HTT: variants seen among roughly 807,000 people sequenced by gnomAD.
HTT encodes huntingtin, also known as huntington disease protein.
In HTT, 104 loss-of-function variants were observed where a neutral mutation model predicts 362.3. The observed-to-expected ratio is 0.29, with a 90% CI of 0.24 to 0.34. The LOEUF is 0.34. Ranked by LOEUF, HTT falls within the 10% of genes least tolerant of loss-of-function variation. The pLI is 1.00. For missense variants in HTT, 3,301 were observed against 3,928.6 expected (o/e 0.84, Z 4.27); for synonymous variants, 1,577 against 1,548.7 (o/e 1.02, Z -0.43).
intron 41 of HTT, among the ~76,000 whole-genome samples, chr4:3,201,789 G>C (rs1474130323): frequency 6.6e-6 from 1 of 152,140 alleles, no homozygotes; most frequent in Non-Finnish European, 1.5e-5. Context: ...TGTGGGTGGT[G>C]GGGGATGAGT....
Position 3,074,713 on chromosome 4 carries a change from TCAGG to T in HTT, c.-112_-109del. On this transcript the variant is annotated 5_prime_UTR_variant, in exon 1 of 67. It removes the in-frame stop codon of an upstream open reading frame in the 5' UTR. Coordinates refer to ENST00000355072, the MANE Select transcript of HTT (RefSeq NM_001388492.1). The stretch of plus-strand genomic sequence containing the variant: ...GGACGGGTCCAAGATGGACGGCCGC[TCAGG>T]TTCTGCTTTTACCTGCGGCCCAGAG... 8.7e-7 allele frequency: 1 copy of T among 1,154,756 alleles called. No individual in the cohort carries two copies. Among genetic ancestry groups the T allele is most frequent in the Non-Finnish European group, 1.2e-6 (1 of 858,470 alleles). The allele number at this position is 1,154,756 out of a possible 1,614,324, so 71.5% of individuals were successfully genotyped here. A position where few individuals can be genotyped will look rare whatever the true frequency, so the allele number is the denominator to read the frequency against.
chr4:3,211,782 T>A (rs1185539348), intron 47 of HTT, 147 bp from the exon 48 acceptor site: 13 of 612,094 alleles, frequency 2.1e-5, no homozygotes, highest in African/African-American at 2.0e-4. Context: ...AGAGTAGAAT[T>A]TTCTTAAAAA....
intron 46 of HTT, 34 bp downstream of exon 46, chr4:3,208,945 G>C: frequency 6.3e-7 from 1 of 1,587,766 alleles, no homozygotes; most frequent in Non-Finnish European, 8.6e-7. Flanking sequence ...GGGAGGCACA[G>C]GGCGCTGAGT....
In HTT at chr4:3,148,215, C is replaced by A; in HGVS notation, c.3498+8C>A. ...CCTGGACCCGCAATAAAGGTAATGTCCCACTTGGGTGCTGGATTCATACAG... is the reference window on the plus strand; with the variant it reads ...CCTGGACCCGCAATAAAGGTAATGTACCACTTGGGTGCTGGATTCATACAG... On this transcript the variant is annotated splice_region_variant and intron_variant, in intron 26 of 66. Coordinates refer to ENST00000355072, the MANE Select transcript of HTT (RefSeq NM_001388492.1). 1 of 1,550,298 alleles carries A rather than the reference C, an allele frequency of 6.5e-7. No homozygotes were observed. The highest frequency in any genetic ancestry group is 8.7e-7 in the Non-Finnish European group (1 of 1,144,656).
chr4:3,207,155 G>T, intron 44 of HTT, 126 bp from the exon 45 acceptor site: 1 of 1,062,752 alleles, frequency 9.4e-7, no homozygotes. Context: ...ACTGTTTCTT[G>T]TATTTTTTTC....
chr4:3,151,067 A>C (rs1008244300), intron 26 of HTT, among the ~76,000 whole-genome samples: 1 of 151,968 alleles, frequency 6.6e-6, no homozygotes, highest in Non-Finnish European at 1.5e-5. Context: ...AAAAAAAAAA[A>C]ACCAGGCTGC....
intron 25 of HTT, 74 bp from the exon 26 acceptor site, chr4:3,147,931 A>T (rs1578537616): frequency 8.2e-7 from 1 of 1,218,748 alleles, no homozygotes; most frequent in Non-Finnish European, 1.2e-6. Flanking sequence ...GTCTTAAATG[A>T]CTTCAGTTCC....
In HTT at chr4:3,235,307, A is replaced by G; in HGVS notation, c.8480A>G (p.Gln2827Arg). 5 of 1,613,670 alleles carry G rather than the reference A, an allele frequency of 3.1e-6. No individual in the cohort carries two copies. Among genetic ancestry groups the G allele is most frequent in the Non-Finnish European group, 4.2e-6 (5 of 1,179,600 alleles). ...AGCTGCGTGAACATTCACAGCCAGC[A>G]GCACGTACTGGTCATGTGTGCCACT... is the stretch of plus-strand genomic sequence containing the variant. ...IAHCVNIHSQ[Q>R]HVLVMCATAF... Residue 2827 changes from glutamine (Q) to arginine (R), a missense_variant, in exon 62 of 67, where the codon CAG becomes CGG. By Grantham distance (43) the Gln-to-Arg change is conservative. This residue lies in a region of HTT where 753 missense variants were observed against 1,021.3 expected (regional missense o/e 0.74). Coordinates refer to ENST00000355072, the MANE Select transcript of HTT (RefSeq NM_001388492.1).
Position 3,115,358 on chromosome 4 carries a change from C to T in HTT, c.802C>T (p.Arg268Trp), listed in dbSNP as rs1468025028. 1.9e-6 allele frequency: 3 copies of T among 1,613,954 alleles called. No homozygotes were observed. Among genetic ancestry groups the T allele is most frequent in the Non-Finnish European group, 1.7e-6 (2 of 1,179,850 alleles). ...GAAGTCAAGCTCCCCCACCATTCGG[C>T]GGACAGCGGCTGGATCAGCAGTGAG... is the stretch of plus-strand genomic sequence containing the variant. ...NLKSSSPTIR[R>W]TAAGSAVSIC... Residue 268 changes from arginine to tryptophan, a missense_variant, in exon 7 of 67, where the codon CGG (arginine) becomes TGG (tryptophan). By Grantham distance (101) the Arg-to-Trp change is moderately radical (BLOSUM62 -3). This residue lies in a region of HTT where 2,316 missense variants were observed against 2,658.5 expected (regional missense o/e 0.87). Coordinates refer to ENST00000355072, the MANE Select transcript of HTT (RefSeq NM_001388492.1).
At chr4:3,176,684 A>G (rs1247651886) in intron 33 of HTT, among the ~76,000 whole-genome samples, 1 of 152,222 alleles carries the variant, frequency 6.6e-6, no homozygotes, top group Non-Finnish European at 1.5e-5. Flanking sequence ...CCTTTCTCCC[A>G]GTTCTTAAGA....
intron 37 of HTT, among the ~76,000 whole-genome samples, 154 bp downstream of exon 37, chr4:3,182,624 C>A (rs1386474001): frequency 6.6e-6 from 1 of 152,144 alleles, no homozygotes; most frequent in East Asian, 1.9e-4. Context: ...GACTTCATTT[C>A]TTCTCACAAT....
rs1239021099 is a variant in HTT at position 3,127,491 on chromosome 4, C to T, written c.1630C>T (p.Pro544Ser). 1 of 1,614,184 alleles carries T rather than the reference C, an allele frequency of 6.2e-7. No homozygotes were observed. The highest frequency in any genetic ancestry group is 8.5e-7 in the Non-Finnish European group (1 of 1,180,022). The change falls in exon 12 of 67, where the codon CCT becomes TCT. Residue 544 changes from proline (P) to serine (S), a missense_variant. Around this residue, in one of 4 missense-constraint regions of HTT, gnomAD observed 2,316 missense variants for 2,658.5 expected, o/e 0.87. Coordinates refer to ENST00000355072, the MANE Select transcript of HTT (RefSeq NM_001388492.1). ...SSQVSAVPSD[P>S]AMDLNDGTQA... ...CCAGGTCAGCGCCGTCCCATCTGAC[C>T]CTGCCATGGACCTGAATGATGGGAC...
At position 3,144,524 on chromosome 4, in the gene HTT, G is replaced by A. The variant is rs111585422; in HGVS notation, c.3067-628G>A. On this transcript the variant is annotated intron_variant, in intron 23 of 66. Coordinates refer to ENST00000355072, the MANE Select transcript of HTT (RefSeq NM_001388492.1). ...GTAGAGGTAGGGTTTCACCAGGTTG[G>A]TCAGGCTGGTCTCGAACTCCTGACC... Among the ~76,000 whole-genome samples the A allele has an allele frequency of 5.8e-4, 88 of 152,188 alleles. 2 individuals carry two copies. Among genetic ancestry groups the A allele is most frequent in the African/African-American group, 2.0e-3 (85 of 41,512 alleles).
Position 3,229,965 on chromosome 4 carries a change from G to C in HTT, c.8188G>C (p.Val2730Leu). ...TGTGACGCTGACAGAACTGCGAAGGGTGCACCCTTCAGAAGACGAGATCCT... is the reference window on the plus strand; with the variant it reads ...TGTGACGCTGACAGAACTGCGAAGGCTGCACCCTTCAGAAGACGAGATCCT... ...MYVTLTELRRVHPSEDEILAQ... is the reference protein window; with the variant it reads ...MYVTLTELRRLHPSEDEILAQ... The change falls in exon 60 of 67, where the codon GTG (valine) becomes CTG (leucine). Residue 2730 changes from valine to leucine, a missense_variant. Physicochemically the swap from Val to Leu is conservative, Grantham distance 32. Transcript: ENST00000355072. 1 of 1,614,128 alleles carries C rather than the reference G, an allele frequency of 6.2e-7. No homozygotes were observed. Among genetic ancestry groups the C allele is most frequent in the Non-Finnish European group, 8.5e-7 (1 of 1,179,956 alleles).
intron 40 of HTT, among the ~76,000 whole-genome samples, chr4:3,191,048 C>A (rs568101368): frequency 1.1e-4 from 16 of 152,182 alleles, no homozygotes; most frequent in Non-Finnish European, 2.1e-4. Context: ...CTTTAAGCGG[C>A]TTAGGAGTCA....
chr4:3,133,745 A>C (rs1192541516), intron 18 of HTT, among the ~76,000 whole-genome samples: 1 of 152,120 alleles, frequency 6.6e-6, no homozygotes, highest in Non-Finnish European at 1.5e-5. Context: ...AAAGCAAAAA[A>C]CCTACAATTG....
In HTT at chr4:3,127,585, C is replaced by T. The variant is rs1370695353; in HGVS notation, c.1724C>T (p.Pro575Leu). ...TTEGPDSAVT[P>L]SDSSEIVLDG... ...GAAGGGCCTGATTCAGCTGTTACCC[C>T]TTCAGACAGTTCTGAAATTGTAAGT... is the stretch of plus-strand genomic sequence containing the variant. The change falls in exon 12 of 67, where the codon CCT becomes CTT. Residue 575 changes from proline to leucine, a missense_variant. Physicochemically the swap from Pro to Leu is moderately conservative, Grantham distance 98. Transcript: ENST00000355072. 1 of 1,611,552 alleles carries T rather than the reference C, an allele frequency of 6.2e-7. No individual in the cohort carries two copies. Among genetic ancestry groups the T allele is most frequent in the Non-Finnish European group, 8.5e-7 (1 of 1,177,880 alleles).
At chr4:3,136,518 C>T (rs138157762) in intron 21 of HTT, among the ~76,000 whole-genome samples, 192 bp downstream of exon 21, 387 of 150,984 alleles carry the variant, frequency 2.6e-3, no homozygotes, top group Middle Eastern at 6.8e-3. Flanking sequence ...AAAAAAACAA[C>T]AAAATACTAA....
At chr4:3,225,800 C>A (rs1043960855) in intron 57 of HTT, 57 bp downstream of exon 57, 2 of 1,278,952 alleles carry the variant, frequency 1.6e-6, no homozygotes, top group Non-Finnish European at 1.1e-6. Context: ...CAGACTTTGG[C>A]GCTTGACACA....
Sources: gnomAD v4.1 joint callset for allele counts (sites outside exome capture counted in the v4.1 genomes callset) on GRCh38, gnomAD v4.1.1 for gene constraint, gnomAD v4.1.1 regional missense constraint, MANE v1.5 for transcripts, NCBI Gene and HGNC (gene_info 2026-07-23, HGNC 2026-07-21) for gene names.